Variants in PLEKHH3 observed in about 807,000 individuals in gnomAD.
PLEKHH3 encodes pleckstrin homology, MyTH4 and FERM domain containing H3.
A neutral mutation model predicts 77.8 loss-of-function variants in PLEKHH3; 57 were observed. The ratio of observed to expected loss-of-function variants is 0.73; its 90% confidence interval spans 0.59 to 0.91. The LOEUF (loss-of-function observed/expected upper bound fraction) is 0.91. Ranked by LOEUF, PLEKHH3 falls within the 40% of genes least tolerant of loss-of-function variation. PLEKHH3 has a pLI of 0.00. For missense variants in PLEKHH3, 1,082 were observed against 1,091.2 expected, an observed-to-expected ratio of 0.99 and a Z score of 0.12; for synonymous variants, 467 against 504.8, an observed-to-expected ratio of 0.93 and a Z score of 1.00.
rs1388666826 is a variant in PLEKHH3, at chr17:42,673,463, C to A, written c.584G>T (p.Arg195Leu). 6.2e-7 allele frequency: 1 copy of A among 1,612,874 alleles called. No individual in the cohort carries two copies. The highest frequency in any genetic ancestry group is 1.1e-5 in the South Asian group (1 of 91,058). The change falls in exon 5 of 13, where the codon CGG becomes CTG. Residue 195 changes from arginine (R) to leucine (L), a missense_variant. Arg to Leu is a moderately radical substitution (Grantham distance 102). Transcript: ENST00000591022. ...AEAERWGVAL[R>L]EVIASKAPLE... ...GGGTGCCTTGGAGGCGATCACTTCC[C>A]GCAATGCCACCCCCCAGCGCTCAGC...
At position 42,671,229 on chromosome 17, in the gene PLEKHH3, A is replaced by G; in HGVS notation, c.1285-99T>C. ...GGGGTCTCTTAGTCCTGTCACCACC[A>G]CTCCCTCCCTTACCAAAATAATCTA... On this transcript the variant is annotated intron_variant, in intron 8 of 12. Coordinates refer to ENST00000591022, the MANE Select transcript of PLEKHH3 (RefSeq NM_024927.5). This position sits in a 1 kb window ranked among gnomAD's most constrained non-coding sequence, Gnocchi z 4.7. 1 of 1,519,948 alleles carries G rather than the reference A, an allele frequency of 6.6e-7. No homozygotes were observed. The highest frequency in any genetic ancestry group is 8.9e-7 in the Non-Finnish European group (1 of 1,126,742). The allele number at this position is 1,519,948 out of a possible 1,614,324, so 94.2% of individuals were successfully genotyped here.
intron 1 of PLEKHH3, among the ~76,000 whole-genome samples, chr17:42,675,080 A>G (rs1488438710): frequency 1.3e-5 from 2 of 152,132 alleles, no homozygotes; most frequent in Non-Finnish European, 2.9e-5. Context: ...AGGCAGGTGT[A>G]GTTCAGGGTT....
Position 42,671,055 on chromosome 17 carries a change from C to T in PLEKHH3, c.1360G>A (p.Ala454Thr), listed in dbSNP as rs201650387. ...CCCCCAGCCAGGGCTCGCTCCTGGGCCCCTCGCTGCTCGTACAGCGCGAAT... is the reference window on the plus strand; with the variant it reads ...CCCCCAGCCAGGGCTCGCTCCTGGGTCCCTCGCTGCTCGTACAGCGCGAAT... ...NAFALYEQRG[A>T]QERALAGGTL... Residue 454 changes from alanine (A) to threonine (T), a missense_variant, in exon 9 of 13, where the codon GCC becomes ACC. Around this residue, in one of 3 missense-constraint regions of PLEKHH3, gnomAD observed 733 missense variants for 750.0 expected, o/e 0.98. Coordinates refer to ENST00000591022, the MANE Select transcript of PLEKHH3 (RefSeq NM_024927.5). The surrounding 1 kb of genome is among the most constrained non-coding windows in gnomAD (Gnocchi z 4.7). 1.2e-6 allele frequency: 2 copies of T among 1,609,914 alleles called. No homozygotes were observed. Among genetic ancestry groups the T allele is most frequent in the African/African-American group, 2.7e-5 (2 of 74,744 alleles).
chr17:42,673,130 A>T, intron 6 of PLEKHH3, 46 bp downstream of exon 6: 1 of 1,478,816 alleles, frequency 6.8e-7, no homozygotes. Context: ...CTTACCTCTG[A>T]ACCACCCCAT....
chr17:42,670,858 G>C (rs2052683977), intron 9 of PLEKHH3, 136 bp downstream of exon 9: 1 of 1,519,774 alleles, frequency 6.6e-7, no homozygotes, highest in Non-Finnish European at 8.9e-7. Context: ...ACCTGCGGCG[G>C]GCAGGTCCGT....
At chr17:42,674,477 C>T in intron 1 of PLEKHH3, 68 bp from the exon 2 acceptor site, 1 of 1,433,118 alleles carries the variant, frequency 7.0e-7, no homozygotes. Context: ...GCCTTCTGCC[C>T]TCAGGACAGG....
Position 42,676,991 on chromosome 17 carries a change from G to C in PLEKHH3, c.-428C>G, listed in dbSNP as rs886135228. 1 of 165,164 alleles carries C rather than the reference G, an allele frequency of 6.1e-6. No individual in the cohort carries two copies. The highest frequency in any genetic ancestry group is 1.3e-5 in the Non-Finnish European group (1 of 77,518). The allele number at this position is 165,164 out of a possible 1,614,324, so 10.2% of individuals were successfully genotyped here. ...CGCGCTGCGCTCCCTGCAGCCCCGG[G>C]ACTGGCGCGCTGGGGGCGCGAGCAC... On this transcript the variant is annotated 5_prime_UTR_variant, in exon 1 of 13. Transcript: ENST00000591022. The surrounding 1 kb of genome is among the most constrained non-coding windows in gnomAD (Gnocchi z 6.6).
In PLEKHH3 at chr17:42,670,293, C is replaced by T. The variant is rs1367362449; in HGVS notation, c.1638G>A (p.Leu546=). The T allele has an allele frequency of 8.2e-6, 11 of 1,343,048 alleles. No homozygotes were observed. Among genetic ancestry groups the T allele is most frequent in the Non-Finnish European group, 9.5e-6 (10 of 1,052,994 alleles). The allele number at this position is 1,343,048 out of a possible 1,614,324, so 83.2% of individuals were successfully genotyped here. A position where few individuals can be genotyped will look rare whatever the true frequency, so the allele number is the denominator to read the frequency against. ...GCACCCGCGGAGAGAAGTCCCGCTGCAGGCTCTGCAGGCGCAGCGCCGCCA... is the reference window on the plus strand; with the variant it reads ...GCACCCGCGGAGAGAAGTCCCGCTGTAGGCTCTGCAGGCGCAGCGCCGCCA... The part of the protein sequence containing the change: ...RALAALRLQS[L]QRDFSPRVPL... Residue 546 remains leucine (L), a synonymous_variant, in exon 11 of 13, where the codon CTG becomes CTA. Transcript: ENST00000591022.
At position 42,673,181 on chromosome 17, in the gene PLEKHH3, G is replaced by A. The variant is rs765981698; in HGVS notation, c.764C>T (p.Ala255Val). 6.6e-7 allele frequency: 1 copy of A among 1,521,604 alleles called. No homozygotes were observed. Among genetic ancestry groups the A allele is most frequent in the Admixed American group, 2.3e-5 (1 of 43,224 alleles). The allele number at this position is 1,521,604 out of a possible 1,614,324, so 94.3% of individuals were successfully genotyped here. A position where few individuals can be genotyped will look rare whatever the true frequency, so the allele number is the denominator to read the frequency against. The change falls in exon 6 of 13, where the codon GCC becomes GTC. Residue 255 changes from alanine (A) to valine (V), a missense_variant. Physicochemically the swap from Ala to Val is moderately conservative, Grantham distance 64. Around this residue, in one of 3 missense-constraint regions of PLEKHH3, gnomAD observed 733 missense variants for 750.0 expected, o/e 0.98. Transcript: ENST00000591022. ...PLLPLPYGVS[A>V]PGPGYAPLRE... is the part of the protein sequence containing the mutation. ...TGGGCCATGGGACCACTCACCTGGG[G>A]CGCTGACTCCATAGGGCAGGGGCAG...
Position 42,672,258 on chromosome 17 carries a change from C to T in PLEKHH3, c.904G>A (p.Asp302Asn), listed in dbSNP as rs1049954001. 1.9e-6 allele frequency: 3 copies of T among 1,550,904 alleles called. No individual in the cohort carries two copies. Among genetic ancestry groups the T allele is most frequent in the African/African-American group, 2.7e-5 (2 of 73,062 alleles). The change falls in exon 7 of 13, where the codon GAT (aspartate) becomes AAT (asparagine). Residue 302 changes from aspartate (D) to asparagine (N), a missense_variant. Around this residue, in one of 3 missense-constraint regions of PLEKHH3, gnomAD observed 733 missense variants for 750.0 expected, o/e 0.98. Coordinates refer to ENST00000591022, the MANE Select transcript of PLEKHH3 (RefSeq NM_024927.5). Reference protein sequence around the residue: ...QTCRDLPALRDELFLQLAKQT... With the variant: ...QTCRDLPALRNELFLQLAKQT... ...TTAGCCAGCTGCAGGAAGAGTTCAT[C>T]CCGGAGCGCGGGCAAGTCCCGGCAG...
At chr17:42,668,818 T>TTTGTTGTTG (rs3067907) in intron 12 of PLEKHH3, 1 of 149,264 alleles carries the variant, frequency 6.7e-6, no homozygotes, top group African/African-American at 2.5e-5. Flanking sequence ...AACATTTTTT[T>TTTGTTGTTG]TTGTTGTTGT....
rs2052656540 is a variant in PLEKHH3, at chr17:42,670,162, G to A, written c.1769C>T (p.Ala590Val). 3.3e-6 allele frequency: 4 copies of A among 1,208,846 alleles called. No homozygotes were observed. Among genetic ancestry groups the A allele is most frequent in the African/African-American group, 1.6e-5 (1 of 61,758 alleles). 74.9% of individuals were successfully genotyped at this position (1,208,846 alleles called of 1,614,324 possible). Residue 590 changes from alanine (A) to valine (V), a missense_variant, in exon 11 of 13, where the codon GCG becomes GTG. Transcript: ENST00000591022. Reference protein sequence around the residue: ...PPPSAALLAGALWSPGLAKRR... With the variant: ...PPPSAALLAGVLWSPGLAKRR... ...CTTGGCCAGGCCCGGGCTCCAGAGC[G>A]CCCCGGCCAGCAGGGCAGCGGAAGG...
At chr17:42,672,886 G>T (rs1432573499) in intron 6 of PLEKHH3, among the ~76,000 whole-genome samples, 1 of 152,086 alleles carries the variant, frequency 6.6e-6, no homozygotes, top group Non-Finnish European at 1.5e-5. Flanking sequence ...AGGTAATATG[G>T]CATAGTCTCA....
At chr17:42,674,530 C>A in intron 1 of PLEKHH3, 121 bp from the exon 2 acceptor site, 2 of 861,934 alleles carry the variant, frequency 2.3e-6, no homozygotes, top group South Asian at 2.5e-5. Flanking sequence ...AGAGTGGGGT[C>A]GTGACTAGGG....
rs756083853 is a variant in PLEKHH3 at position 42,669,519 on chromosome 17, A to T, written c.2116T>A (p.Tyr706Asn). 1.2e-6 allele frequency: 2 copies of T among 1,610,832 alleles called. No homozygotes were observed. The highest frequency in any genetic ancestry group is 1.7e-6 in the Non-Finnish European group (2 of 1,178,260). ...GETEPIHSVS[Y>N]GHVAACQLMG... ...AGCTGGCAGGCGGCCACATGGCCATAGCTGACACTGTGGATGGGCTCCGTC... is the reference window on the plus strand; with the variant it reads ...AGCTGGCAGGCGGCCACATGGCCATTGCTGACACTGTGGATGGGCTCCGTC... The change falls in exon 12 of 13, where the codon TAT becomes AAT. Residue 706 changes from tyrosine to asparagine, a missense_variant. This residue lies in a region of PLEKHH3 where 733 missense variants were observed against 750.0 expected (regional missense o/e 0.98). Transcript: ENST00000591022.
In PLEKHH3 at chr17:42,674,410, C is replaced by T; in HGVS notation, c.163-1G>A. The T allele has an allele frequency of 6.3e-7, 1 of 1,589,158 alleles. No individual in the cohort carries two copies. Among genetic ancestry groups the T allele is most frequent in the Non-Finnish European group, 8.6e-7 (1 of 1,169,196 alleles). ...GAGTCAGCGTCACTTCCAGGGGACC[C>T]TGGGGAGACAGGCGGGGAAGCCCTC... On this transcript the variant is annotated splice_acceptor_variant, in intron 1 of 12. Transcript: ENST00000591022. LOFTEE classifies it high-confidence loss of function.
At position 42,670,128 on chromosome 17, in the gene PLEKHH3, C is replaced by T; in HGVS notation, c.1803G>A (p.Ala601=). The part of the protein sequence containing the change: ...LWSPGLAKRR[A]ERARRGGAGR... ...CGGCCCCGCCGCGCCGGGCCCGCTC[C>T]GCCCGCCTCTTGGCCAGGCCCGGGC... The change falls in exon 11 of 13, where the codon GCG becomes GCA. Residue 601 remains alanine, a synonymous_variant. Transcript: ENST00000591022. The T allele has an allele frequency of 7.8e-7, 1 of 1,283,092 alleles. No homozygotes were observed. Among genetic ancestry groups the T allele is most frequent in the Non-Finnish European group, 9.8e-7 (1 of 1,021,750 alleles). The allele number at this position is 1,283,092 out of a possible 1,614,324, so 79.5% of individuals were successfully genotyped here.
Position 42,671,467 on chromosome 17 carries a change from G to C in PLEKHH3, c.1168C>G (p.Pro390Ala). 6.2e-7 allele frequency: 1 copy of C among 1,613,130 alleles called. No homozygotes were observed. Among genetic ancestry groups the C allele is most frequent in the Non-Finnish European group, 8.5e-7 (1 of 1,180,016 alleles). ...AACGCGGAAATCTCCGCCAGCGAGG[G>C]CACCAGCTCTCTGCCGCGCGTCCGG... ...LGRTRGRELV[P>A]SLAEISALSQ... The change falls in exon 8 of 13, where the codon CCC becomes GCC. Residue 390 changes from proline to alanine, a missense_variant. Physicochemically the swap from Pro to Ala is conservative, Grantham distance 27 (BLOSUM62 -1). Transcript: ENST00000591022. The surrounding 1 kb of genome is among the most constrained non-coding windows in gnomAD (Gnocchi z 4.7).
chr17:42,673,716 C>T lies in PLEKHH3; in HGVS notation c.417G>A (p.Ala139=), dbSNP rs2143594644. The change falls in exon 4 of 13, where the codon GCG becomes GCA. Residue 139 remains alanine (A), a synonymous_variant. Coordinates refer to ENST00000591022, the MANE Select transcript of PLEKHH3 (RefSeq NM_024927.5). ...LDQFSSSGKG[A]RRLGSLVLTS... Reference sequence around the variant, plus strand: ...TGAGCACGAGGCTCCCGAGACGCCGCGCCCCTTTCCCGCTGCTGCTGAACT... The same window carrying T: ...TGAGCACGAGGCTCCCGAGACGCCGTGCCCCTTTCCCGCTGCTGCTGAACT... 1.0e-5 allele frequency: 16 copies of T among 1,601,222 alleles called. No homozygotes were observed. The highest frequency in any genetic ancestry group is 1.4e-5 in the Non-Finnish European group (16 of 1,179,856).
Sources: allele counts gnomAD v4.1 joint callset (sites outside exome capture counted in the v4.1 genomes callset), GRCh38; gene constraint gnomAD v4.1.1; regional missense constraint gnomAD v4.1.1; non-coding constraint Gnocchi (gnomAD v3.1); transcripts MANE v1.5; gene names NCBI Gene and HGNC (gene_info 2026-07-23, HGNC 2026-07-21).